Variants in CEP192 observed in about 807,000 individuals in gnomAD.
CEP192 encodes centrosomal protein 192.
In CEP192, 151 loss-of-function variants were observed where a neutral mutation model predicts 271.8. The observed-to-expected ratio is 0.56, with a 90% CI of 0.49 to 0.64. CEP192 has a LOEUF of 0.64. Among genes scored for constraint, CEP192 ranks in the 30% least tolerant of loss-of-function variants. CEP192 has a pLI of 0.00. For synonymous variants in CEP192, 995 were observed against 1,076.5 expected (o/e 0.92, Z 1.48); for missense variants, 2,910 against 3,020.5 (o/e 0.96, Z 0.86).
At chr18:13,110,011 A>G (rs974226033) in intron 40 of CEP192, among the ~76,000 whole-genome samples, 4 of 152,200 alleles carry the variant, frequency 2.6e-5, no homozygotes, top group African/African-American at 9.7e-5. Flanking sequence ...AATGGTCTTT[A>G]TGGGTTGTCC....
At chr18:13,048,823 G>T in intron 15 of CEP192, 36 bp from the exon 16 acceptor site, 1 of 1,406,766 alleles carries the variant, frequency 7.1e-7, no homozygotes, top group Non-Finnish European at 9.8e-7. Context: ...TGAAACTGGG[G>T]TAAATTTATC....
At chr18:13,040,470 A>T (rs1440736921) in intron 13 of CEP192, among the ~76,000 whole-genome samples, 2 of 152,164 alleles carry the variant, frequency 1.3e-5, no homozygotes, top group Non-Finnish European at 1.5e-5. Context: ...TTTTTCAAGG[A>T]TGTGTTTATT....
Position 13,040,712 on chromosome 18 carries a change from T to C in CEP192, c.1810-118T>C. 2.8e-6 allele frequency: 2 copies of C among 722,594 alleles called. 1 individual carries two copies. The highest frequency in any genetic ancestry group is 4.9e-5 in the South Asian group (2 of 41,206). 44.8% of individuals were successfully genotyped at this position (722,594 alleles called of 1,614,324 possible). ...TCATCTCTAGTAATTTGAGGTTAAG[T>C]GGGAAGAACAGTTTTTTGATGTCAT... On this transcript the variant is annotated intron_variant, in intron 13 of 44. Transcript: ENST00000506447.
Position 13,099,480 on chromosome 18 carries a change from A to G in CEP192, c.6562A>G (p.Lys2188Glu). 1 of 1,527,948 alleles carries G rather than the reference A, an allele frequency of 6.5e-7. No homozygotes were observed. The highest frequency in any genetic ancestry group is 8.9e-7 in the Non-Finnish European group (1 of 1,123,400). The allele number at this position is 1,527,948 out of a possible 1,614,324, so 94.6% of individuals were successfully genotyped here. A position where few individuals can be genotyped will look rare whatever the true frequency, so the allele number is the denominator to read the frequency against. ...TCTTATTAATTTTTTTTAAAGGAGT[A>G]AACTACAAATTCTTGTGAGTCCTAA... ...PQHGCVAPES[K>E]LQILVSPNSS... Residue 2188 changes from lysine to glutamate, a missense_variant, in exon 37 of 45, where the codon AAA (lysine) becomes GAA (glutamate). Transcript: ENST00000506447.
chr18:13,067,269 TC>T (rs2037759921), intron 21 of CEP192, among the ~76,000 whole-genome samples: 1 of 152,144 alleles, frequency 6.6e-6, no homozygotes, highest in African/African-American at 2.4e-5. Context: ...ACATTTCCTA[TC>T]GGGGACATCC....
chr18:13,031,670 A>T (rs895735623), intron 11 of CEP192, among the ~76,000 whole-genome samples: 2 of 152,190 alleles, frequency 1.3e-5, no homozygotes, highest in Admixed American at 6.5e-5. Flanking sequence ...GTAGTATGCC[A>T]GTCCTTAAGA....
intron 11 of CEP192, among the ~76,000 whole-genome samples, chr18:13,031,243 G>GTTTTTTTTTTTTTT (rs60557979): frequency 9.8e-6 from 1 of 101,654 alleles, no homozygotes; most frequent in African/African-American, 4.1e-5. Context: ...CCTTATTGTT[G>GTTTTTTTTTTTTTT]TTTTTTTTTT....
intron 21 of CEP192, 95 bp from the exon 22 acceptor site, chr18:13,067,736 A>G (rs2037785715): frequency 1.9e-6 from 2 of 1,041,196 alleles, no homozygotes; most frequent in South Asian, 1.7e-5. Flanking sequence ...CTGCTGACTC[A>G]TAATTTGTGG....
intron 30 of CEP192, 33 bp downstream of exon 30, chr18:13,073,218 G>A (rs2038106388): frequency 6.5e-7 from 1 of 1,541,306 alleles, no homozygotes. Flanking sequence ...CCCTTCCCCT[G>A]GAGTTTATGC....
In CEP192 at chr18:13,089,536, CATT is replaced by C; in HGVS notation, c.6075_6077del (p.Phe2026del). On this transcript the variant is annotated inframe_deletion, in exon 33 of 45. Transcript: ENST00000506447. ...CTTCAAAACATTAATTTTGTTGAAG[CATT>C]TCAAGATGAGCTATTAGTAACTGAA... 6.3e-7 allele frequency: 1 copy of C among 1,589,420 alleles called. No individual in the cohort carries two copies. The highest frequency in any genetic ancestry group is 8.6e-7 in the Non-Finnish European group (1 of 1,160,652).
At position 13,071,113 on chromosome 18, in the gene CEP192, G is replaced by A; in HGVS notation, c.5249G>A (p.Gly1750Glu). Residue 1750 changes from glycine (G) to glutamate (E), a missense_variant, in exon 28 of 45, where the codon GGA (glycine) becomes GAA (glutamate). Physicochemically the swap from Gly to Glu is moderately conservative, Grantham distance 98. Transcript: ENST00000506447. ...VVLKGEVISS[G>E]SKPLSPGPCL... ...TTAAAAGGCGAAGTCATTTCTTCAG[G>A]AAGTAAACCTCTGTCACCTGGACCT... The A allele has an allele frequency of 6.2e-7, 1 of 1,614,028 alleles. No individual in the cohort carries two copies. Among genetic ancestry groups the A allele is most frequent in the Non-Finnish European group, 8.5e-7 (1 of 1,179,904 alleles).
intron 44 of CEP192, among the ~76,000 whole-genome samples, chr18:13,123,886 A>C (rs1380679462): frequency 1.3e-5 from 2 of 152,192 alleles, no homozygotes; most frequent in Non-Finnish European, 2.9e-5. Context: ...CCGGCCGGGC[A>C]TGGTGGCTCA....
At position 13,001,523 on chromosome 18, in the gene CEP192, C is replaced by T. The variant is rs866763825; in HGVS notation, c.231C>T (p.Pro77=). 2.6e-5 allele frequency: 40 copies of T among 1,551,220 alleles called. No homozygotes were observed. The Middle Eastern group carries it at 3.8e-3, about 149-fold the overall frequency. Residue 77 remains proline (P), a synonymous_variant, in exon 3 of 45, where the codon CCC becomes CCT. Coordinates refer to ENST00000506447, the MANE Select transcript of CEP192 (RefSeq NM_032142.4). ...GRFSVPSGSS[P]GSQSDAEPRE... ...TTTCAGTTCCATCCGGGTCATCTCC[C>T]GGAAGCCAGAGTGATGCTGAACCAA...
intron 36 of CEP192, among the ~76,000 whole-genome samples, chr18:13,098,624 C>T (rs916043634): frequency 1.3e-5 from 2 of 151,878 alleles, no homozygotes; most frequent in Admixed American, 6.6e-5. Flanking sequence ...GATGGGATGG[C>T]GGCCGGGAAG....
At chr18:13,021,541 C>T (rs1181467292) in intron 9 of CEP192, among the ~76,000 whole-genome samples, 1 of 152,176 alleles carries the variant, frequency 6.6e-6, no homozygotes, top group East Asian at 1.9e-4. Flanking sequence ...AAGTGTTAGT[C>T]CTTCATCCTT....
Position 13,099,491 on chromosome 18 carries a change from T to G in CEP192, c.6573T>G (p.Ile2191Met). The change falls in exon 37 of 45, where the codon ATT (isoleucine) becomes ATG (methionine). Residue 2191 changes from isoleucine (I) to methionine (M), a missense_variant. Transcript: ENST00000506447. The stretch of plus-strand genomic sequence containing the variant: ...TTTTTTAAAGGAGTAAACTACAAAT[T>G]CTTGTGAGTCCTAATTCCTCCTTAT... The part of the protein sequence containing the change: ...GCVAPESKLQ[I>M]LVSPNSSLST... 6.3e-7 allele frequency: 1 copy of G among 1,576,348 alleles called. No individual in the cohort carries two copies. Among genetic ancestry groups the G allele is most frequent in the Non-Finnish European group, 8.6e-7 (1 of 1,158,574 alleles).
intron 9 of CEP192, among the ~76,000 whole-genome samples, chr18:13,028,678 C>T (rs2035445555): frequency 6.6e-6 from 1 of 152,052 alleles, no homozygotes; most frequent in African/African-American, 2.4e-5. Context: ...CGCCACCACG[C>T]CCGGCTAATT....
intron 9 of CEP192, among the ~76,000 whole-genome samples, chr18:13,027,014 T>C (rs1335133529): frequency 6.6e-6 from 1 of 152,104 alleles, no homozygotes; most frequent in African/African-American, 2.4e-5. Context: ...TTTCATTATG[T>C]TGTGGTAAGG....
At chr18:13,001,612 G>T in intron 3 of CEP192, 30 bp downstream of exon 3, 1 of 1,520,026 alleles carries the variant, frequency 6.6e-7, no homozygotes, top group Admixed American at 2.2e-5. Context: ...TGCTTGTACT[G>T]TGTTAAAAGT....
Sources: allele counts gnomAD v4.1 joint callset (sites outside exome capture counted in the v4.1 genomes callset), GRCh38; gene constraint gnomAD v4.1.1; transcripts MANE v1.5; gene names NCBI Gene and HGNC (gene_info 2026-07-23, HGNC 2026-07-21).